The following ITPR2 variants were observed in gnomAD, a reference collection of about 807,000 sequenced individuals.
The protein encoded by ITPR2 is inositol 1,4,5-trisphosphate receptor type 2.
A neutral mutation model predicts 317.1 loss-of-function variants in ITPR2; 207 were observed. That is an observed-to-expected ratio of 0.65 (90% CI 0.58 to 0.73). The LOEUF is 0.73. Ranked by LOEUF, ITPR2 falls within the 30% of genes least tolerant of loss-of-function variation. The pLI, the probability that ITPR2 is intolerant of heterozygous loss-of-function variation, is 0.00. For missense variants in ITPR2, 2,613 were observed against 3,284.0 expected (o/e 0.80, Z 4.99); for synonymous variants, 1,156 against 1,149.1 (o/e 1.01, Z -0.12).
intron 1 of ITPR2, among the ~76,000 whole-genome samples, chr12:26,815,023 A>T (rs1471139866): frequency 6.6e-6 from 1 of 152,256 alleles, no homozygotes; most frequent in East Asian, 1.9e-4. Context: ...CAGTCACAGA[A>T]GTTTAATCAG....
At chr12:26,604,314 AC>A (rs1157611650) in intron 26 of ITPR2, among the ~76,000 whole-genome samples, 2 of 151,460 alleles carry the variant, frequency 1.3e-5, no homozygotes, top group Non-Finnish European at 2.9e-5. Flanking sequence ...TTAACAAGTG[AC>A]CCCCTCCTCC....
At chr12:26,609,818 A>T (rs1351859893) in intron 26 of ITPR2, among the ~76,000 whole-genome samples, 2 of 152,222 alleles carry the variant, frequency 1.3e-5, no homozygotes, top group Non-Finnish European at 2.9e-5. Context: ...TTTATATTAT[A>T]ACCAAATAGG....
intron 55 of ITPR2, among the ~76,000 whole-genome samples, chr12:26,368,150 C>T (rs1939071333): frequency 6.6e-6 from 1 of 152,214 alleles, no homozygotes; most frequent in Non-Finnish European, 1.5e-5. Flanking sequence ...ATTTCCCTAT[C>T]ATTCTCTGGC....
intron 37 of ITPR2, among the ~76,000 whole-genome samples, chr12:26,529,147 A>G (rs1311707258): frequency 2.0e-5 from 3 of 152,230 alleles, no homozygotes; most frequent in African/African-American, 7.2e-5. Flanking sequence ...ACTTAAGCTG[A>G]CACAGTAGTC....
chr12:26,592,351 G>C (rs1342507998), intron 32 of ITPR2, among the ~76,000 whole-genome samples: 2 of 152,206 alleles, frequency 1.3e-5, no homozygotes. Context: ...TAGCACAACA[G>C]AGTGACTACA....
intron 40 of ITPR2, chr12:26,486,849 A>T (rs1357658441): frequency 4.4e-6 from 3 of 675,886 alleles, no homozygotes; most frequent in Non-Finnish European, 8.2e-6. Context: ...AACATCTTTC[A>T]TGCCGTTGGT....
chr12:26,700,165 T>C (rs1221548533), intron 9 of ITPR2, among the ~76,000 whole-genome samples: 1 of 152,142 alleles, frequency 6.6e-6, no homozygotes. Flanking sequence ...GAATAATTTA[T>C]AAATAATATA....
intron 26 of ITPR2, among the ~76,000 whole-genome samples, chr12:26,610,320 C>G (rs902587686): frequency 6.6e-6 from 1 of 152,202 alleles, no homozygotes; most frequent in Non-Finnish European, 1.5e-5. Context: ...AAAGGAGAAC[C>G]TTCTTAATAT....
intron 2 of ITPR2, among the ~76,000 whole-genome samples, chr12:26,770,268 C>CTGTA (rs1418111905): frequency 6.6e-6 from 1 of 152,180 alleles, no homozygotes; most frequent in Non-Finnish European, 1.5e-5. Context: ...AGTCACAGAA[C>CTGTA]TGTAGACTGG....
intron 10 of ITPR2, 126 bp from the exon 11 acceptor site, chr12:26,686,758 A>T: frequency 2.5e-6 from 2 of 813,698 alleles, no homozygotes; most frequent in Non-Finnish European, 3.9e-6. Context: ...TCTATTTCAC[A>T]TCATCCAGAA....
intron 9 of ITPR2, among the ~76,000 whole-genome samples, chr12:26,705,740 C>T (rs1948538981): frequency 6.6e-6 from 1 of 152,162 alleles, no homozygotes. Context: ...TATTCCTTAA[C>T]CCTTAACACC....
At chr12:26,633,753 C>A (rs1946802861) in intron 21 of ITPR2, among the ~76,000 whole-genome samples, 1 of 152,208 alleles carries the variant, frequency 6.6e-6, no homozygotes, top group African/African-American at 2.4e-5. Flanking sequence ...CGATATTTAA[C>A]CACTACCTTT....
At chr12:26,676,178 T>G (rs1184898671) in intron 13 of ITPR2, among the ~76,000 whole-genome samples, 1 of 144,868 alleles carries the variant, frequency 6.9e-6, no homozygotes, top group East Asian at 2.1e-4. Flanking sequence ...AAAAGAAATA[T>G]GTTGAGAGTA....
chr12:26,405,192 T>C (rs1940309908), intron 52 of ITPR2, among the ~76,000 whole-genome samples: 2 of 151,492 alleles, frequency 1.3e-5, no homozygotes, highest in South Asian at 2.1e-4. Flanking sequence ...AGAGAACATG[T>C]TGCTTATAAA....
At chr12:26,738,188 G>A (rs1565729178) in intron 2 of ITPR2, among the ~76,000 whole-genome samples, 1 of 152,174 alleles carries the variant, frequency 6.6e-6, no homozygotes, top group African/African-American at 2.4e-5. Flanking sequence ...AAATTTTAAA[G>A]GTTAGGTTCT....
chr12:26,528,997 A>G (rs7300892), intron 37 of ITPR2, among the ~76,000 whole-genome samples: 54,831 of 151,710 alleles, frequency 0.36, 12,285 homozygotes, highest in Non-Finnish European at 0.5. Flanking sequence ...CTCAAACTTC[A>G]CTCCACATCC....
intron 5 of ITPR2, among the ~76,000 whole-genome samples, chr12:26,721,892 T>C (rs529614874): frequency 5.9e-5 from 9 of 152,244 alleles, no homozygotes; most frequent in South Asian, 2.1e-4. Flanking sequence ...CCACAACATA[T>C]TGTAAACATA....
chr12:26,506,079 T>G (rs1943175317), intron 37 of ITPR2, among the ~76,000 whole-genome samples: 1 of 151,822 alleles, frequency 6.6e-6, no homozygotes, highest in Non-Finnish European at 1.5e-5. Context: ...ACTTAATATG[T>G]AAATATTACA....
chr12:26,516,285 G>GGGAAGGGAAAGGAAA (rs1943504560), intron 37 of ITPR2, among the ~76,000 whole-genome samples: 9 of 42,834 alleles, frequency 2.1e-4, no homozygotes, highest in African/African-American at 1.1e-3. Context: ...GGGAAGGGAA[G>GGGAAGGGAAAGGAAA]GGAAAGGAAA....
Sources: allele counts gnomAD v4.1 joint callset (sites outside exome capture counted in the v4.1 genomes callset), GRCh38; gene constraint gnomAD v4.1.1; transcripts MANE v1.5; gene names NCBI Gene and HGNC (gene_info 2026-07-23, HGNC 2026-07-21).